The following MDGA2 variants were observed in gnomAD, a reference collection of about 807,000 sequenced individuals.
MDGA2 encodes the protein MAM domain-containing glycosylphosphatidylinositol anchor protein 2.
Under a neutral mutation model 117.8 loss-of-function variants are expected in MDGA2, and 40 were observed. The ratio of observed to expected loss-of-function variants is 0.34; its 90% CI spans 0.26 to 0.44. The LOEUF (loss-of-function observed/expected upper bound fraction) is 0.44. Ranked by LOEUF, MDGA2 falls within the 20% of genes least tolerant of loss-of-function variation. The pLI, the probability that MDGA2 is intolerant of heterozygous loss-of-function variation, is 1.00. For missense variants in MDGA2, 1,123 were observed against 1,250.6 expected, an observed-to-expected ratio of 0.90 and a Z score of 1.54; for synonymous variants, 452 against 439.0, an observed-to-expected ratio of 1.03 and a Z score of -0.37.
intron 7 of MDGA2, among the ~76,000 whole-genome samples, chr14:47,042,330 T>G (rs1022401590): frequency 1.2e-5 from 1 of 86,850 alleles, no homozygotes; most frequent in Admixed American, 1.1e-4. Context: ...TTTTTTTTTG[T>G]GTGTGTGTGT....
intron 1 of MDGA2, among the ~76,000 whole-genome samples, chr14:47,536,601 A>G (rs1895215966): frequency 6.6e-6 from 1 of 152,234 alleles, no homozygotes; most frequent in Non-Finnish European, 1.5e-5. Flanking sequence ...GAATATATTT[A>G]TACCGTTGTA....
At position 47,136,534 on chromosome 14, in the gene MDGA2, T is replaced by TG. The variant is rs1882466905; in HGVS notation, c.793-4689dup. On this transcript the variant is annotated intron_variant, in intron 4 of 16. Coordinates refer to ENST00000399232, the MANE Select transcript of MDGA2 (RefSeq NM_001113498.3). The stretch of plus-strand genomic sequence containing the variant: ...ATTTCAACCTAAAAGCTCTTACTTC[T>TG]GATCCATCCTCTAAAAGTGTATTCT... Among the ~76,000 whole-genome samples the TG allele has an allele frequency of 2.6e-5, 4 of 152,330 alleles. No individual in the cohort carries two copies. In the South Asian group the frequency reaches 8.3e-4, roughly 32 times the overall value.
intron 1 of MDGA2, among the ~76,000 whole-genome samples, chr14:47,383,336 A>T (rs1891678692): frequency 6.6e-6 from 1 of 152,160 alleles, no homozygotes; most frequent in Non-Finnish European, 1.5e-5. Flanking sequence ...CCTAGAACTT[A>T]AAGTACAATT....
At chr14:46,913,119 C>A (rs1261413531) in intron 10 of MDGA2, among the ~76,000 whole-genome samples, 2 of 152,032 alleles carry the variant, frequency 1.3e-5, no homozygotes, top group African/African-American at 4.8e-5. Flanking sequence ...AATTGTTCCC[C>A]AAAACAAAGT....
intron 5 of MDGA2, among the ~76,000 whole-genome samples, chr14:47,119,054 T>C (rs1178821547): frequency 1.2e-4 from 2 of 16,876 alleles, no homozygotes; most frequent in East Asian, 1.7e-3. Context: ...CATATTCTCT[T>C]TTTTTTTTTT....
intron 1 of MDGA2, among the ~76,000 whole-genome samples, chr14:47,330,596 C>T (rs924228380): frequency 1.3e-5 from 2 of 151,728 alleles, no homozygotes; most frequent in South Asian, 4.2e-4. Flanking sequence ...CTCTGATGAG[C>T]ATAACCAGTA....
chr14:46,968,178 C>T (rs766143520), intron 8 of MDGA2, among the ~76,000 whole-genome samples: 2 of 152,148 alleles, frequency 1.3e-5, no homozygotes, highest in Non-Finnish European at 2.9e-5. Flanking sequence ...TTCACACACC[C>T]TGAAGACAAA....
chr14:47,613,458 A>C (rs919356232), intron 1 of MDGA2, among the ~76,000 whole-genome samples: 5 of 146,530 alleles, frequency 3.4e-5, no homozygotes, highest in East Asian at 2.1e-4. Context: ...TACTTCATTT[A>C]TCTCTCTCTC....
At chr14:47,484,954 C>T (rs906936769) in intron 1 of MDGA2, among the ~76,000 whole-genome samples, 4 of 152,132 alleles carry the variant, frequency 2.6e-5, no homozygotes, top group South Asian at 2.1e-4. Context: ...ATTGCTCGGC[C>T]TCAGGTATGT....
At chr14:47,672,958 C>T (rs1055892384) in intron 1 of MDGA2, among the ~76,000 whole-genome samples, 7 of 152,100 alleles carry the variant, frequency 4.6e-5, no homozygotes, top group Admixed American at 4.6e-4. Flanking sequence ...TACACACGTC[C>T]CCCCATTACC....
At chr14:47,433,985 C>A (rs982030370) in intron 1 of MDGA2, among the ~76,000 whole-genome samples, 4 of 152,016 alleles carry the variant, frequency 2.6e-5, no homozygotes, top group Non-Finnish European at 5.9e-5. Flanking sequence ...AATTATCATT[C>A]TCAAATTAAT....
In MDGA2 at chr14:47,483,943, C is replaced by T. The variant is rs556882890; in HGVS notation, c.281-182393G>A. On this transcript the variant is annotated intron_variant, in intron 1 of 16. Transcript: ENST00000399232. ...TCTACCCAGTATTGGTAAAAAGTACCTGTGGTGTCAAAACTCTTGAGATAC... is the reference window on the plus strand; with the variant it reads ...TCTACCCAGTATTGGTAAAAAGTACTTGTGGTGTCAAAACTCTTGAGATAC... 3.9e-5 allele frequency among the ~76,000 whole-genome samples: 6 copies of T among 152,174 alleles called. No homozygotes were observed. In the East Asian group the frequency reaches 9.7e-4, roughly 24 times the overall value.
At chr14:47,410,898 A>T (rs189118856) in intron 1 of MDGA2, among the ~76,000 whole-genome samples, 41 of 152,314 alleles carry the variant, frequency 2.7e-4, no homozygotes, top group Admixed American at 1.6e-3. Context: ...AAAATAAAAG[A>T]TGTCTAAGAC....
At chr14:47,318,861 A>C (rs1226139128) in intron 1 of MDGA2, among the ~76,000 whole-genome samples, 1 of 152,098 alleles carries the variant, frequency 6.6e-6, no homozygotes, top group Non-Finnish European at 1.5e-5. Context: ...ATTCTTGAAT[A>C]TGTGCAAACA....
intron 2 of MDGA2, among the ~76,000 whole-genome samples, chr14:47,289,465 C>T (rs1478266016): frequency 6.6e-6 from 1 of 151,502 alleles, no homozygotes; most frequent in Admixed American, 6.6e-5. Context: ...ATCTGAGGAA[C>T]AAAAACATAT....
At chr14:47,087,460 CAAAAAAAAAAA>C (rs749371957) in intron 6 of MDGA2, among the ~76,000 whole-genome samples, 4 of 67,968 alleles carry the variant, frequency 5.9e-5, no homozygotes, top group African/African-American at 1.1e-4. Context: ...GACTCCACAT[CAAAAAAAAAAA>C]AAAAAAAAAA....
intron 1 of MDGA2, chr14:47,343,307 T>A (rs1890688691): frequency 9.3e-7 from 1 of 1,080,448 alleles, no homozygotes; most frequent in Admixed American, 4.8e-5. Flanking sequence ...TAAGTAGTAA[T>A]GAGACGCTGT....
chr14:47,319,072 T>C (rs932073190), intron 1 of MDGA2, among the ~76,000 whole-genome samples: 2 of 152,202 alleles, frequency 1.3e-5, no homozygotes, highest in African/African-American at 2.4e-5. Flanking sequence ...AACTTTTACA[T>C]ATAAAAATGT....
intron 1 of MDGA2, among the ~76,000 whole-genome samples, chr14:47,378,995 C>A (rs1891545648): frequency 6.6e-6 from 1 of 152,102 alleles, no homozygotes; most frequent in South Asian, 2.1e-4. Context: ...AAAGGGAAGC[C>A]CATCAGACTA....
Sources: gnomAD v4.1 joint callset for allele counts (sites outside exome capture counted in the v4.1 genomes callset) on GRCh38, gnomAD v4.1.1 for gene constraint, MANE v1.5 for transcripts, NCBI Gene and HGNC (gene_info 2026-07-23, HGNC 2026-07-21) for gene names.